The following TMEM132D variants were observed in gnomAD, a reference collection of about 807,000 sequenced individuals.
TMEM132D encodes transmembrane protein 132D, also known as mature OL transmembrane protein.
Under a neutral mutation model 62.3 loss-of-function variants are expected in TMEM132D, and 21 were observed. The observed-to-expected ratio is 0.34, with a 90% CI of 0.24 to 0.49. TMEM132D has a LOEUF of 0.49. TMEM132D is among the 20% of genes least tolerant of loss of function. The pLI, the probability that TMEM132D is intolerant of heterozygous loss-of-function variation, is 0.99. For missense variants in TMEM132D, 1,346 were observed against 1,402.8 expected, an observed-to-expected ratio of 0.96 and a Z score of 0.65; for synonymous variants, 621 against 575.6, an observed-to-expected ratio of 1.08 and a Z score of -1.13.
intron 2 of TMEM132D, among the ~76,000 whole-genome samples, chr12:129,601,147 T>C (rs1270871855): frequency 1.3e-5 from 2 of 152,232 alleles, no homozygotes; most frequent in Non-Finnish European, 2.9e-5. Flanking sequence ...TCAGCACCCT[T>C]GCTACTTTGC....
intron 3 of TMEM132D, among the ~76,000 whole-genome samples, chr12:129,450,480 G>A (rs992826469): frequency 6.6e-6 from 1 of 152,104 alleles, no homozygotes; most frequent in African/African-American, 2.4e-5. Context: ...TTTCAATGAT[G>A]CTTGGATTTC....
At position 129,722,421 on chromosome 12, in the gene TMEM132D, C is replaced by T. The variant is rs540442845; in HGVS notation, c.80-21723G>A. 4.3e-4 allele frequency among the ~76,000 whole-genome samples: 66 copies of T among 152,290 alleles called. No individual in the cohort carries two copies. In the South Asian group the frequency reaches 0.012, roughly 28 times the overall value. The stretch of plus-strand genomic sequence containing the variant: ...CGGTGTGAAATTCCCACGGCTTTCC[C>T]AAATCGAACCCCAGCACTGGAATTC... On this transcript the variant is annotated intron_variant, in intron 1 of 8. Coordinates refer to ENST00000422113, the MANE Select transcript of TMEM132D (RefSeq NM_133448.3).
At chr12:129,763,478 T>A (rs552801983) in intron 1 of TMEM132D, among the ~76,000 whole-genome samples, 2 of 150,396 alleles carry the variant, frequency 1.3e-5, no homozygotes, top group African/African-American at 4.9e-5. Context: ...GCTTTAGGTT[T>A]GGCACTTGGA....
chr12:129,466,598 A>G (rs1299592842), intron 3 of TMEM132D, among the ~76,000 whole-genome samples: 1 of 151,992 alleles, frequency 6.6e-6, no homozygotes, highest in Non-Finnish European at 1.5e-5. Flanking sequence ...AATAATGTTC[A>G]CTCATTAGCT....
chr12:129,136,792 TCAC>T (rs138143808), intron 5 of TMEM132D, among the ~76,000 whole-genome samples: 1 of 91,104 alleles, frequency 1.1e-5, no homozygotes, highest in Non-Finnish European at 2.3e-5. Flanking sequence ...ATCATCACCA[TCAC>T]CATCATCACC....
At chr12:129,511,153 C>G (rs905331489) in intron 3 of TMEM132D, among the ~76,000 whole-genome samples, 2 of 152,132 alleles carry the variant, frequency 1.3e-5, no homozygotes, top group Non-Finnish European at 2.9e-5. Context: ...CCCACCAACC[C>G]ACCAAGTTCT....
At chr12:129,316,452 T>G (rs1868490900) in intron 4 of TMEM132D, among the ~76,000 whole-genome samples, 1 of 152,142 alleles carries the variant, frequency 6.6e-6, no homozygotes, top group Admixed American at 6.5e-5. Context: ...ATTTGCCTGG[T>G]TTAGTAGGTT....
At chr12:129,875,739 A>G (rs1874398764) in intron 1 of TMEM132D, among the ~76,000 whole-genome samples, 2 of 152,186 alleles carry the variant, frequency 1.3e-5, no homozygotes, top group African/African-American at 2.4e-5. Flanking sequence ...GGAGGCAGTG[A>G]GAATGCCAGC....
intron 2 of TMEM132D, among the ~76,000 whole-genome samples, chr12:129,538,548 ATACTATGTTTTTTTTC>A (rs1566103014): frequency 6.6e-6 from 1 of 152,202 alleles, no homozygotes; most frequent in East Asian, 1.9e-4. Flanking sequence ...AACCCTATAC[ATACTATGTTTTTTTTC>A]TACACATACC....
chr12:129,718,087 G>A (rs1343871697), intron 1 of TMEM132D, among the ~76,000 whole-genome samples: 1 of 152,222 alleles, frequency 6.6e-6, no homozygotes, highest in African/African-American at 2.4e-5. Context: ...AGCAGCTCCA[G>A]GTTGATCCCC....
chr12:129,877,250 A>G (rs1249637127), intron 1 of TMEM132D, among the ~76,000 whole-genome samples: 1 of 151,688 alleles, frequency 6.6e-6, no homozygotes, highest in African/African-American at 2.4e-5. Flanking sequence ...AGAATGAAAT[A>G]GAAAGTTCAC....
chr12:129,389,074 AACACCGACACCAATG>A (rs1593361343), intron 3 of TMEM132D, among the ~76,000 whole-genome samples: 1 of 117,134 alleles, frequency 8.5e-6, no homozygotes, highest in East Asian at 2.0e-4. Context: ...TATAAACACT[AACACCGACACCAATG>A]CTAACACCGA....
At chr12:129,712,434 T>C (rs1868406445) in intron 1 of TMEM132D, among the ~76,000 whole-genome samples, 1 of 152,198 alleles carries the variant, frequency 6.6e-6, no homozygotes, top group Non-Finnish European at 1.5e-5. Flanking sequence ...TTTATCTTTC[T>C]TCTTAACAAT....
At chr12:129,686,175 T>A (rs2137212635) in intron 2 of TMEM132D, among the ~76,000 whole-genome samples, 1 of 152,070 alleles carries the variant, frequency 6.6e-6, no homozygotes, top group East Asian at 1.9e-4. Context: ...GACATGAGAT[T>A]TGGGAGAGGC....
chr12:129,225,456 C>T (rs2135575631), intron 4 of TMEM132D, among the ~76,000 whole-genome samples: 1 of 152,260 alleles, frequency 6.6e-6, no homozygotes, highest in Non-Finnish European at 1.5e-5. Context: ...GAATCGCCAC[C>T]CGCACAGTCT....
chr12:129,333,438 T>A (rs1171890373), intron 4 of TMEM132D, among the ~76,000 whole-genome samples: 1 of 152,240 alleles, frequency 6.6e-6, no homozygotes, highest in African/African-American at 2.4e-5. Context: ...TAAATTTTAA[T>A]CTTGTGTGGT....
chr12:129,296,446 T>C (rs1234264724), intron 4 of TMEM132D, among the ~76,000 whole-genome samples: 1 of 152,238 alleles, frequency 6.6e-6, no homozygotes, highest in African/African-American at 2.4e-5. Flanking sequence ...AACAAGATGT[T>C]CTTCGTGCCA....
intron 1 of TMEM132D, among the ~76,000 whole-genome samples, chr12:129,865,353 A>AT: frequency 6.6e-6 from 1 of 152,238 alleles, no homozygotes; most frequent in Non-Finnish European, 1.5e-5. Flanking sequence ...AGAAGGGAGA[A>AT]TACCAGGAGA....
chr12:129,454,753 T>G (rs929219614), intron 3 of TMEM132D, among the ~76,000 whole-genome samples: 1 of 152,210 alleles, frequency 6.6e-6, no homozygotes, highest in African/African-American at 2.4e-5. Flanking sequence ...GAGGATTGAC[T>G]TTCTGTCCGT....
Sources: allele counts gnomAD v4.1 joint callset (sites outside exome capture counted in the v4.1 genomes callset), GRCh38; gene constraint gnomAD v4.1.1; transcripts MANE v1.5; gene names NCBI Gene and HGNC (gene_info 2026-07-23, HGNC 2026-07-21).